The following MERTK variants were observed in gnomAD, a reference collection of about 807,000 sequenced individuals.
The protein encoded by MERTK is tyrosine-protein kinase Mer.
MERTK carries 69 observed loss-of-function variants against 99.3 expected under a neutral mutation model. The observed-to-expected ratio is 0.70, with a 90% confidence interval of 0.57 to 0.85. The LOEUF (loss-of-function observed/expected upper bound fraction) is 0.85. Among genes scored for constraint, MERTK ranks in the 40% least tolerant of loss-of-function variants. MERTK has a pLI of 0.00. For synonymous variants in MERTK, 426 were observed against 467.6 expected (o/e 0.91, Z 1.15); for missense variants, 1,125 against 1,249.4 (o/e 0.90, Z 1.50).
intron 13 of MERTK, among the ~76,000 whole-genome samples, chr2:112,007,955 T>G (rs918367199): frequency 6.6e-6 from 1 of 152,010 alleles, no homozygotes; most frequent in East Asian, 1.9e-4. Flanking sequence ...AGAATGCCCA[T>G]AGGTCCCCTC....
At chr2:112,017,892 C>G (rs1488678499) in intron 15 of MERTK, among the ~76,000 whole-genome samples, 3 of 152,132 alleles carry the variant, frequency 2.0e-5, no homozygotes, top group African/African-American at 7.2e-5. Context: ...AATGACTTCA[C>G]CAGCATGTAA....
chr2:111,975,517 G>C (rs908312180), intron 7 of MERTK, 45 bp downstream of exon 7: 5 of 1,594,290 alleles, frequency 3.1e-6, no homozygotes, highest in Non-Finnish European at 4.3e-6. Flanking sequence ...AATGACATGT[G>C]ATTCAACAAA....
intron 4 of MERTK, among the ~76,000 whole-genome samples, chr2:111,951,040 A>G (rs940595023): frequency 3.3e-5 from 5 of 150,742 alleles, no homozygotes; most frequent in South Asian, 4.2e-4. Context: ...AAGGTATACA[A>G]TGTAATGTTT....
At chr2:111,974,419 A>G (rs1676196663) in intron 6 of MERTK, among the ~76,000 whole-genome samples, 2 of 151,544 alleles carry the variant, frequency 1.3e-5, no homozygotes, top group Admixed American at 1.3e-4. Flanking sequence ...ACAATAAAAT[A>G]AAATAAAGTT....
chr2:111,904,538 G>C (rs1227355887), intron 1 of MERTK, among the ~76,000 whole-genome samples: 1 of 152,052 alleles, frequency 6.6e-6, no homozygotes, highest in Non-Finnish European at 1.5e-5. Context: ...ACCAGACCTG[G>C]CTAATTTTTG....
chr2:111,997,265 C>A, intron 9 of MERTK, 58 bp from the exon 10 acceptor site: 1 of 1,565,858 alleles, frequency 6.4e-7, no homozygotes, highest in Non-Finnish European at 8.8e-7. Flanking sequence ...TTCCCTGTTA[C>A]AAGCCAGTGT....
At chr2:111,984,167 C>G (rs112911716) in intron 8 of MERTK, among the ~76,000 whole-genome samples, 12 of 151,984 alleles carry the variant, frequency 7.9e-5, no homozygotes, top group African/African-American at 2.4e-4. Flanking sequence ...TGTCTCAGCT[C>G]AAGCATTCAG....
At chr2:111,936,867 T>G (rs1684773566) in intron 2 of MERTK, among the ~76,000 whole-genome samples, 1 of 152,120 alleles carries the variant, frequency 6.6e-6, no homozygotes, top group African/African-American at 2.4e-5. Flanking sequence ...ATATTATAAT[T>G]AGCTCTGATG....
At chr2:111,988,611 G>A (rs1280236032) in intron 8 of MERTK, among the ~76,000 whole-genome samples, 1 of 152,210 alleles carries the variant, frequency 6.6e-6, no homozygotes, top group Non-Finnish European at 1.5e-5. Flanking sequence ...CAGCATGCCA[G>A]ATCGTGTACT....
intron 4 of MERTK, among the ~76,000 whole-genome samples, chr2:111,956,451 A>T (rs1685150383): frequency 6.6e-6 from 1 of 152,124 alleles, no homozygotes; most frequent in South Asian, 2.1e-4. Context: ...TTTCTTTTTT[A>T]AAAAATACAC....
At chr2:111,981,726 C>T (rs922124390) in intron 7 of MERTK, among the ~76,000 whole-genome samples, 1 of 118,000 alleles carries the variant, frequency 8.5e-6, no homozygotes, top group South Asian at 2.7e-4. Context: ...ATTTTATACA[C>T]GTACACTCGT....
Position 112,003,138 on chromosome 2 carries a change from T to C in MERTK, c.1737T>C (p.Asp579=), listed in dbSNP as rs140681547. Residue 579 remains aspartate, a synonymous_variant, in exon 12 of 19, where the codon GAT becomes GAC. Transcript: ENST00000295408. ...VSEELQNKLE[D]VVIDRNLLIL... The stretch of plus-strand genomic sequence containing the variant: ...AGGAACTACAAAATAAACTAGAAGA[T>C]GTTGTGATTGACAGGAATCTTCTAA... 16 of 1,603,982 alleles carry C rather than the reference T, an allele frequency of 1.0e-5. No individual in the cohort carries two copies. The African/African-American group carries it at 2.0e-4, about 20-fold the overall frequency.
chr2:111,901,790 A>G (rs1684049116), intron 1 of MERTK, among the ~76,000 whole-genome samples: 1 of 151,666 alleles, frequency 6.6e-6, no homozygotes, highest in African/African-American at 2.4e-5. Context: ...CCTGGGCTCA[A>G]GCGATCTTCC....
At chr2:111,971,429 TA>T (rs549741293) in intron 6 of MERTK, among the ~76,000 whole-genome samples, 13 of 150,484 alleles carry the variant, frequency 8.6e-5, no homozygotes, top group East Asian at 3.9e-4. Context: ...CTTTTATATA[TA>T]AAAAAAAATA....
At chr2:112,012,227 T>TC (rs1573640149) in intron 15 of MERTK, among the ~76,000 whole-genome samples, 2 of 144,482 alleles carry the variant, frequency 1.4e-5, no homozygotes, top group South Asian at 2.3e-4. Context: ...TGCATTCCCT[T>TC]CCCCCCGCCC....
At chr2:111,900,277 A>G (rs1046796613) in intron 1 of MERTK, among the ~76,000 whole-genome samples, 21 of 152,234 alleles carry the variant, frequency 1.4e-4, no homozygotes, top group Admixed American at 1.1e-3. Flanking sequence ...GTTAAATTAC[A>G]TAAGCAATTT....
rs550299252 is a variant in MERTK, at chr2:112,019,572, T to C, written c.2189+50T>C. The C allele has an allele frequency of 3.6e-6, 5 of 1,395,462 alleles. No individual in the cohort carries two copies. The African/African-American group carries it at 7.1e-5, about 20-fold the overall frequency. The allele number at this position is 1,395,462 out of a possible 1,614,324, so 86.4% of individuals were successfully genotyped here. Reference sequence around the variant, plus strand: ...AGGGTTTGGACCTCATGGTGTTTGGTCTTTGCAGGGTTAGTGAGAGGACCT... The same window carrying C: ...AGGGTTTGGACCTCATGGTGTTTGGCCTTTGCAGGGTTAGTGAGAGGACCT... On this transcript the variant is annotated intron_variant, in intron 16 of 18. Transcript: ENST00000295408.
intron 2 of MERTK, among the ~76,000 whole-genome samples, chr2:111,943,523 A>G (rs1028409633): frequency 6.6e-6 from 1 of 152,156 alleles, no homozygotes; most frequent in African/African-American, 2.4e-5. Context: ...TGGGTGACAG[A>G]GCGAGACCCC....
rs1677512620 is a variant in MERTK, at chr2:112,028,371, G to A, written c.2507G>A (p.Cys836Tyr). The change falls in exon 19 of 19, where the codon TGC becomes TAC. Residue 836 changes from cysteine to tyrosine, a missense_variant. Transcript: ENST00000295408. ...LDELYEIMYS[C>Y]WRTDPLDRPT... ...TTCAGGTATGAAATAATGTACTCTT[G>A]CTGGAGAACCGATCCCTTAGACCGC... The A allele has an allele frequency of 2.5e-6, 4 of 1,614,178 alleles. No individual in the cohort carries two copies. Among genetic ancestry groups the A allele is most frequent in the Non-Finnish European group, 3.4e-6 (4 of 1,180,036 alleles).
Sources: gnomAD v4.1 joint callset for allele counts (sites outside exome capture counted in the v4.1 genomes callset) on GRCh38, gnomAD v4.1.1 for gene constraint, MANE v1.5 for transcripts, NCBI Gene and HGNC (gene_info 2026-07-23, HGNC 2026-07-21) for gene names.